Variants in PER1 observed in about 807,000 individuals in gnomAD.
PER1 encodes the protein period circadian protein homolog 1.
A neutral mutation model predicts 125.9 loss-of-function variants in PER1; 87 were observed. The observed-to-expected ratio is 0.69, with a 90% confidence interval of 0.58 to 0.83. The LOEUF (loss-of-function observed/expected upper bound fraction) is 0.83, where lower values mean the gene tolerates loss of function less well. Among genes scored for constraint, PER1 ranks in the 40% least tolerant of loss-of-function variants. The pLI is 0.00. For missense variants in PER1, 1,775 were observed against 1,722.8 expected, an observed-to-expected ratio of 1.03 and a Z score of -0.54; for synonymous variants, 801 against 714.7, an observed-to-expected ratio of 1.12 and a Z score of -1.93.
rs920750427 is a variant in PER1, at chr17:8,142,266, C to T, written c.3449+3G>A. On this transcript the variant is annotated splice_donor_region_variant and intron_variant, in intron 21 of 22. Transcript: ENST00000317276. The stretch of plus-strand genomic sequence containing the variant: ...GGCCAAGAAGGCCTCTGAAATGCCT[C>T]ACCTGGAGGGCACCTGGTAGGTCAT... 1.3e-6 allele frequency: 2 copies of T among 1,584,378 alleles called. No individual in the cohort carries two copies. Among genetic ancestry groups the T allele is most frequent in the Non-Finnish European group, 1.7e-6 (2 of 1,165,608 alleles).
chr17:8,143,951 C>T (rs1396280936), intron 18 of PER1, 75 bp from the exon 19 acceptor site: 19 of 1,517,124 alleles, frequency 1.3e-5, no homozygotes, highest in African/African-American at 5.5e-5. Context: ...TGCCCTGACA[C>T]GCTGACCAGG....
In PER1 at chr17:8,148,875, C is replaced by T. The variant is rs571798886; in HGVS notation, c.906-89G>A. The T allele has an allele frequency of 1.5e-5, 23 of 1,484,066 alleles. No homozygotes were observed. In the South Asian group the frequency reaches 1.7e-4, roughly 11 times the overall value. 91.9% of individuals were successfully genotyped at this position (1,484,066 alleles called of 1,614,324 possible). ...AGGTCACAGCAGACAACAGCAAAGA[C>T]GCTGGGGAGGGGGCAGGAGGAGGCA... On this transcript the variant is annotated intron_variant, in intron 7 of 22. Coordinates refer to ENST00000317276, the MANE Select transcript of PER1 (RefSeq NM_002616.3).
Position 8,141,941 on chromosome 17 carries a change from A to G in PER1, c.3464T>C (p.Val1155Ala). The G allele has an allele frequency of 6.2e-7, 1 of 1,613,972 alleles. No individual in the cohort carries two copies. Among genetic ancestry groups the G allele is most frequent in the Non-Finnish European group, 8.5e-7 (1 of 1,180,008 alleles). Residue 1155 changes from valine to alanine, a missense_variant, in exon 22 of 23, where the codon GTG becomes GCG. Transcript: ENST00000317276. ...YQVPSRDMTS[V>A]LKQDRERLRA... ...GAGCCGCTCCCGATCCTGCTTCAGC[A>G]CAGAGGTCATGTCCCTGCCCAAGAA...
At chr17:8,144,692 C>A (rs2289591) in intron 18 of PER1, 59 bp downstream of exon 18, 338,543 of 1,535,698 alleles carry the variant, frequency 0.22, 41,028 homozygotes, top group Non-Finnish European at 0.25. Flanking sequence ...GACCCACCCC[C>A]CAACAATCCA....
At position 8,144,758 on chromosome 17, in the gene PER1, G is replaced by A. The variant is rs199862752; in HGVS notation, c.2454C>T (p.Gly818=). ...GAGGCCCCAGGTGGCTACCTCGCTC[G>A]CCAAGGGCTGAGGGAGCTGTGGAAG... The part of the protein sequence containing the change: ...DSSSTAPSAL[G]ERGCHHGPAP... The change falls in exon 18 of 23, where the codon GGC becomes GGT. Residue 818 remains glycine, a synonymous_variant. Transcript: ENST00000317276. The A allele has an allele frequency of 6.1e-5, 96 of 1,569,518 alleles. No individual in the cohort carries two copies. The highest frequency in any genetic ancestry group is 7.5e-5 in the Non-Finnish European group (87 of 1,159,006).
At chr17:8,143,174 G>A (rs1049011509) in intron 19 of PER1, 92 bp downstream of exon 19, 16 of 985,514 alleles carry the variant, frequency 1.6e-5, no homozygotes, top group Non-Finnish European at 2.0e-5. Context: ...AGGCTGAGAC[G>A]CCAGCCTGGC....
chr17:8,146,440 T>TAGG lies in PER1; in HGVS notation c.1967_1969dup (p.Ser656dup), dbSNP rs754411014. The TAGG allele has an allele frequency of 6.8e-6, 11 of 1,613,256 alleles. No individual in the cohort carries two copies. Among genetic ancestry groups the TAGG allele is most frequent in the Non-Finnish European group, 8.5e-6 (10 of 1,179,712 alleles). On this transcript the variant is annotated inframe_insertion, in exon 16 of 23. Transcript: ENST00000317276. ...GTCGTCAGAGGCTGAGGAGGTGGTA[T>TAGG]AGGAGGAGGAGGAGGCACATTTACG...
At chr17:8,149,942 G>C in intron 4 of PER1, 29 bp downstream of exon 4, 1 of 1,613,940 alleles carries the variant, frequency 6.2e-7, no homozygotes, top group African/African-American at 1.3e-5. Context: ...CCAGGCCCAG[G>C]CCATTCCCTC....
Position 8,140,643 on chromosome 17 carries a change from C to G in PER1, c.*425G>C. 4.1e-6 allele frequency: 1 copy of G among 245,446 alleles called. No homozygotes were observed. Among genetic ancestry groups the G allele is most frequent in the East Asian group, 5.8e-5 (1 of 17,212 alleles). 15.2% of individuals were successfully genotyped at this position (245,446 alleles called of 1,614,324 possible). A position where few individuals can be genotyped will look rare whatever the true frequency, so the allele number is the denominator to read the frequency against. On this transcript the variant is annotated 3_prime_UTR_variant, in exon 23 of 23. Coordinates refer to ENST00000317276, the MANE Select transcript of PER1 (RefSeq NM_002616.3). ...ACTCCAGAGCAGCTAGGGGCTGGAA[C>G]CCCCGGGTCCTGCTTGGGCCTCAGG...
At position 8,140,904 on chromosome 17, in the gene PER1, G is replaced by A. The variant is rs185558493; in HGVS notation, c.*164C>T. 322 of 757,074 alleles carry A rather than the reference G, an allele frequency of 4.3e-4. 2 individuals carry two copies. In the East Asian group the frequency reaches 8.1e-3, roughly 19 times the overall value. The allele number at this position is 757,074 out of a possible 1,614,324, so 46.9% of individuals were successfully genotyped here. A position where few individuals can be genotyped will look rare whatever the true frequency, so the allele number is the denominator to read the frequency against. On this transcript the variant is annotated 3_prime_UTR_variant, in exon 23 of 23. Transcript: ENST00000317276. ...CTCTCTGCTCCCTAAGAGGCCAGAG[G>A]CAGCCCCTGGATCCTAGGCTGGTGA...
rs761958964 is a variant in PER1, at chr17:8,142,729, G to A, written c.3179C>T (p.Ser1060Leu). The change falls in exon 20 of 23, where the codon TCG becomes TTG. Residue 1060 changes from serine (S) to leucine (L), a missense_variant. Transcript: ENST00000317276. ...GCCCAAGCCAGAGCCCAAGGAGCCC[G>A]AGGCTGCGGAGCCTGTGCCGGAGCG... Reference protein sequence around the residue: ...DSRSGTGSAASGSLGSGLGSG... With the variant: ...DSRSGTGSAALGSLGSGLGSG... 19 of 1,613,948 alleles carry A rather than the reference G, an allele frequency of 1.2e-5. No homozygotes were observed. Among genetic ancestry groups the A allele is most frequent in the Admixed American group, 1.7e-5 (1 of 60,020 alleles).
At chr17:8,144,692 C>T (rs2289591) in intron 18 of PER1, 59 bp downstream of exon 18, 4 of 1,536,984 alleles carry the variant, frequency 2.6e-6, no homozygotes, top group Admixed American at 2.0e-5. Flanking sequence ...GACCCACCCC[C>T]CAACAATCCA....
intron 17 of PER1, 140 bp downstream of exon 17, chr17:8,145,818 G>A (rs2151860362): frequency 1.1e-6 from 1 of 913,162 alleles, no homozygotes; most frequent in Non-Finnish European, 1.7e-6. Flanking sequence ...GGGAGAGCAA[G>A]AAGCAGTAGC....
Position 8,150,129 on chromosome 17 carries a change from C to A in PER1, c.375-4G>T, listed in dbSNP as rs752932781. 1 of 1,613,690 alleles carries A rather than the reference C, an allele frequency of 6.2e-7. No individual in the cohort carries two copies. Among genetic ancestry groups the A allele is most frequent in the African/African-American group, 1.3e-5 (1 of 75,052 alleles). On this transcript the variant is annotated splice_region_variant and splice_polypyrimidine_tract_variant and intron_variant, in intron 3 of 22. Coordinates refer to ENST00000317276, the MANE Select transcript of PER1 (RefSeq NM_002616.3). Reference sequence around the variant, plus strand: ...TGCCCGGGCTGACTGTTCACTGCTGCGGGGCCCACAGGGAAGAAAGAGATA... The same window carrying A: ...TGCCCGGGCTGACTGTTCACTGCTGAGGGGCCCACAGGGAAGAAAGAGATA...
chr17:8,144,448 C>T (rs1363974997), intron 18 of PER1: 20 of 481,504 alleles, frequency 4.2e-5, no homozygotes, highest in Non-Finnish European at 7.3e-5. Flanking sequence ...ACAACTGACT[C>T]CTAAGTGGGC....
intron 18 of PER1, 88 bp from the exon 19 acceptor site, chr17:8,143,964 G>T: frequency 2.0e-6 from 3 of 1,506,534 alleles, no homozygotes; most frequent in Non-Finnish European, 2.7e-6. Context: ...TGACCAGGGA[G>T]AGGACAGGCC....
chr17:8,142,149 G>A lies in PER1; in HGVS notation c.3449+120C>T, dbSNP rs545076823. On this transcript the variant is annotated intron_variant, in intron 21 of 22. Transcript: ENST00000317276. ...GGAGGAACTAGTAACAGGGCTCCAA[G>A]GAGCAGGAAGAAAGATAGAAACGTT... 209 of 1,115,712 alleles carry A rather than the reference G, an allele frequency of 1.9e-4. 1 individual carries two copies. The highest frequency in any genetic ancestry group is 2.4e-4 in the Non-Finnish European group (189 of 789,118). 69.1% of individuals were successfully genotyped at this position (1,115,712 alleles called of 1,614,324 possible).
chr17:8,147,734 C>G lies in PER1; in HGVS notation c.1328G>C (p.Gly443Ala). The change falls in exon 11 of 23, where the codon GGC becomes GCC. Residue 443 changes from glycine (G) to alanine (A), a missense_variant. By Grantham distance (60) the Gly-to-Ala change is moderately conservative. Coordinates refer to ENST00000317276, the MANE Select transcript of PER1 (RefSeq NM_002616.3). ...CTTGCGGCTCCAGGGGTGCACAAAG[C>G]CAGCCCAGCTGGTGTCCATGGTGAC... ...EYVTMDTSWA[G>A]FVHPWSRKVA... is the part of the protein sequence containing the mutation. 1 of 1,614,084 alleles carries G rather than the reference C, an allele frequency of 6.2e-7. No homozygotes were observed. The highest frequency in any genetic ancestry group is 8.5e-7 in the Non-Finnish European group (1 of 1,180,014).
chr17:8,142,383 C>T lies in PER1; in HGVS notation c.3335G>A (p.Arg1112Gln), dbSNP rs374121023. 16 of 1,613,024 alleles carry T rather than the reference C, an allele frequency of 9.9e-6. No individual in the cohort carries two copies. The highest frequency in any genetic ancestry group is 6.7e-5 in the East Asian group (3 of 44,892). The change falls in exon 21 of 23, where the codon CGG becomes CAG. Residue 1112 changes from arginine (R) to glutamine (Q), a missense_variant. Coordinates refer to ENST00000317276, the MANE Select transcript of PER1 (RefSeq NM_002616.3). Reference sequence around the variant, plus strand: ...CTGGTCCCCAGGCTCAGCCCCGCCCCGAGCAGCCCCAGCCTCAGCCTCGGA... The same window carrying T: ...CTGGTCCCCAGGCTCAGCCCCGCCCTGAGCAGCCCCAGCCTCAGCCTCGGA... ...DSSEAEAGAA[R>Q]GGAEPGDQVI...
Sources: gnomAD v4.1 joint callset for allele counts on GRCh38, gnomAD v4.1.1 for gene constraint, MANE v1.5 for transcripts, NCBI Gene and HGNC (gene_info 2026-07-23, HGNC 2026-07-21) for gene names.